Variants in SHLD2 observed in about 807,000 individuals in gnomAD.
The protein encoded by SHLD2 is shieldin complex subunit 2.
SHLD2 carries 30 observed loss-of-function variants against 73.2 expected under a neutral mutation model. The observed-to-expected ratio is 0.41, with a 90% CI of 0.31 to 0.56. The LOEUF (loss-of-function observed/expected upper bound fraction) is 0.56, where lower values mean the gene tolerates loss of function less well. Among genes scored for constraint, SHLD2 ranks in the 20% least tolerant of loss-of-function variants. The pLI is 0.28. For synonymous variants in SHLD2, 285 were observed against 370.1 expected (o/e 0.77, Z 2.64); for missense variants, 745 against 1,055.9 (o/e 0.71, Z 4.08).
intron 4 of SHLD2, among the ~76,000 whole-genome samples, chr10:87,158,764 G>C (rs1290029283): frequency 6.6e-6 from 1 of 152,122 alleles, no homozygotes; most frequent in Admixed American, 6.6e-5. Context: ...AAAAAAGAAA[G>C]AAAACAAAGT....
At chr10:87,097,979 C>T (rs1194838367) in intron 2 of SHLD2, among the ~76,000 whole-genome samples, 2 of 151,932 alleles carry the variant, frequency 1.3e-5, no homozygotes, top group Admixed American at 6.6e-5. Flanking sequence ...CCAGGCTGTT[C>T]TCAAACTCCT....
Position 87,109,301 on chromosome 10 carries a change from ATTT to A in SHLD2, c.-6+12326_-6+12328del, listed in dbSNP as rs554117476. On this transcript the variant is annotated intron_variant, in intron 2 of 9. Transcript: ENST00000298786. ...TTTTTCTTACCCTTCCGCAAATAAGATTTTTTTTTTTTTTTTGAGACAGTTTCA... is the reference window on the plus strand; with the variant it reads ...TTTTTCTTACCCTTCCGCAAATAAGATTTTTTTTTTTTTGAGACAGTTTCA... 2.8e-5 allele frequency among the ~76,000 whole-genome samples: 4 copies of A among 142,326 alleles called. No individual in the cohort carries two copies. The South Asian group carries it at 9.0e-4, about 32-fold the overall frequency. 93.4% of individuals were successfully genotyped at this position (142,326 alleles called of 152,430 possible).
At position 87,127,758 on chromosome 10, in the gene SHLD2, G is replaced by A. The variant is rs536883748; in HGVS notation, c.-5-23592G>A. ...CAGCGTTGCTATAAGTGTTTTATGT[G>A]CATTATCTCACTTAAGCTTTACAAC... is the stretch of plus-strand genomic sequence containing the variant. On this transcript the variant is annotated intron_variant, in intron 2 of 9. Transcript: ENST00000298786. Among the ~76,000 whole-genome samples, 1,151 of 151,230 alleles carry A rather than the reference G, an allele frequency of 7.6e-3. 15 individuals are homozygous for A. Among genetic ancestry groups the A allele is most frequent in the African/African-American group, 0.027 (1,107 of 41,248 alleles).
At chr10:87,171,296 A>G (rs1379737105) in intron 6 of SHLD2, among the ~76,000 whole-genome samples, 1 of 152,102 alleles carries the variant, frequency 6.6e-6, no homozygotes, top group Non-Finnish European at 1.5e-5. Flanking sequence ...AAGCTTCTAC[A>G]ATTTTTTTTC....
intron 2 of SHLD2, among the ~76,000 whole-genome samples, chr10:87,132,988 G>T (rs1844538229): frequency 6.6e-6 from 1 of 151,900 alleles, no homozygotes; most frequent in Non-Finnish European, 1.5e-5. Context: ...TTGTTGAAGG[G>T]CTCAATGGTC....
rs1481175403 is a variant in SHLD2, at chr10:87,180,065, T to A, written c.2171-10T>A. ...CAATAATTTATAATATATCTGTTTG[T>A]TGTTTGTAGGAGTGGTTCTGATTAA... On this transcript the variant is annotated splice_polypyrimidine_tract_variant and intron_variant, in intron 7 of 9. Transcript: ENST00000298786. 6.2e-7 allele frequency: 1 copy of A among 1,609,948 alleles called. No homozygotes were observed. Among genetic ancestry groups the A allele is most frequent in the African/African-American group, 1.3e-5 (1 of 74,960 alleles).
intron 2 of SHLD2, among the ~76,000 whole-genome samples, chr10:87,140,230 T>C (rs1263574956): frequency 6.6e-6 from 1 of 151,692 alleles, no homozygotes; most frequent in Admixed American, 6.6e-5. Context: ...GACCAGCCTG[T>C]CCAACATGGT....
chr10:87,094,717 G>C, upstream of SHLD2: 1 of 1,510,596 alleles, frequency 6.6e-7, no homozygotes. This position sits in a 1 kb window ranked among gnomAD's most constrained non-coding sequence, Gnocchi z 6.6. Context: ...CGAGCCCAGG[G>C]CAGCGGGCCC....
Position 87,152,190 on chromosome 10 carries a change from G to A in SHLD2, c.836G>A (p.Ser279Asn), listed in dbSNP as rs753768939. The change falls in exon 3 of 10, where the codon AGT becomes AAT. Residue 279 changes from serine to asparagine, a missense_variant. Physicochemically the swap from Ser to Asn is conservative, Grantham distance 46. Transcript: ENST00000298786. Reference sequence around the variant, plus strand: ...AACATGGAGACTGAACCAAAGGCAAGTTACGGGGAGATAAGAATACCTGAA... The same window carrying A: ...AACATGGAGACTGAACCAAAGGCAAATTACGGGGAGATAAGAATACCTGAA... ...NVNMETEPKA[S>N]YGEIRIPEEN... 7.5e-6 allele frequency: 12 copies of A among 1,593,834 alleles called. No individual in the cohort carries two copies. In the African/African-American group the frequency reaches 1.6e-4, roughly 22 times the overall value.
At chr10:87,102,067 A>T (rs1842302223) in intron 2 of SHLD2, among the ~76,000 whole-genome samples, 1 of 152,080 alleles carries the variant, frequency 6.6e-6, no homozygotes, top group South Asian at 2.1e-4. Flanking sequence ...TTCTTGCCTA[A>T]TGCTCCTCAT....
At chr10:87,147,065 A>G (rs1389490210) in intron 2 of SHLD2, among the ~76,000 whole-genome samples, 2 of 145,898 alleles carry the variant, frequency 1.4e-5, no homozygotes, top group Non-Finnish European at 3.0e-5. Context: ...TCAAAAAAAA[A>G]AAAAAAGAAA....
At chr10:87,094,662 C>T (rs557978318), upstream of SHLD2, 2 of 1,574,040 alleles carry the variant, frequency 1.3e-6, no homozygotes, top group Admixed American at 1.8e-5. The surrounding 1 kb of genome is among the most constrained non-coding windows in gnomAD (Gnocchi z 6.6). Flanking sequence ...CGGCGGCGGG[C>T]TGTCCCCGGG....
chr10:87,175,779 T>G, intron 6 of SHLD2, 110 bp from the exon 7 acceptor site: 1 of 991,574 alleles, frequency 1.0e-6, no homozygotes, highest in African/African-American at 1.7e-5. Context: ...AATTCTTTAG[T>G]GATAAAAGAT....
chr10:87,157,488 G>A (rs1438267345), intron 3 of SHLD2, among the ~76,000 whole-genome samples: 7 of 152,018 alleles, frequency 4.6e-5, no homozygotes, highest in South Asian at 2.1e-4. Context: ...TACTCTATCC[G>A]TCTTAGATAT....
At chr10:87,096,236 G>A (rs949747272) in intron 1 of SHLD2, among the ~76,000 whole-genome samples, 1 of 151,964 alleles carries the variant, frequency 6.6e-6, no homozygotes, top group Non-Finnish European at 1.5e-5. Flanking sequence ...GTAGAGACGG[G>A]GTTTCGCTGT....
Position 87,156,053 on chromosome 10 carries a change from A to T in SHLD2, c.1526-1995A>T, listed in dbSNP as rs1846400902. ...ATACTACCTATTGATATATACCCCC[A>T]AACAGAAATCTTCCTTTTTTTTTTT... On this transcript the variant is annotated intron_variant, in intron 3 of 9. Transcript: ENST00000298786. Among the ~76,000 whole-genome samples, 3 of 151,174 alleles carry T rather than the reference A, an allele frequency of 2.0e-5. No homozygotes were observed. The South Asian group carries it at 6.3e-4, about 32-fold the overall frequency.
At chr10:87,138,106 T>C (rs1341446877) in intron 2 of SHLD2, among the ~76,000 whole-genome samples, 2 of 152,156 alleles carry the variant, frequency 1.3e-5, no homozygotes, top group Non-Finnish European at 2.9e-5. Context: ...GAGACCATCC[T>C]GGCCAACATG....
chr10:87,121,554 T>C (rs2181523), intron 2 of SHLD2, among the ~76,000 whole-genome samples: 47,809 of 151,154 alleles, frequency 0.32, 8,313 homozygotes, highest in East Asian at 0.74. Context: ...TTTGTATATT[T>C]CCAAAATAAA....
At chr10:87,136,380 C>T (rs1414760880) in intron 2 of SHLD2, among the ~76,000 whole-genome samples, 2 of 150,776 alleles carry the variant, frequency 1.3e-5, no homozygotes, top group Admixed American at 1.3e-4. Context: ...TTTTCTGTCT[C>T]AATCCTAGAA....
Sources: allele counts gnomAD v4.1 joint callset (sites outside exome capture counted in the v4.1 genomes callset), GRCh38; gene constraint gnomAD v4.1.1; non-coding constraint Gnocchi (gnomAD v3.1); transcripts MANE v1.5; gene names NCBI Gene and HGNC (gene_info 2026-07-23, HGNC 2026-07-21).